EYA4: variants seen among roughly 807,000 people sequenced by gnomAD.
EYA4 encodes the protein EYA transcriptional coactivator and phosphatase 4, also known as protein phosphatase EYA4.
In EYA4, 31 loss-of-function variants were observed where a neutral mutation model predicts 87.9. The ratio of observed to expected loss-of-function variants is 0.35; its 90% CI spans 0.27 to 0.48. The LOEUF is 0.48. Among genes scored for constraint, EYA4 ranks in the 20% least tolerant of loss-of-function variants. The probability of loss-of-function intolerance (pLI) is 0.99; values close to 1 mark genes in which losing one functional copy is unlikely to be tolerated. For missense variants in EYA4, 678 were observed against 761.4 expected (o/e 0.89, Z 1.29); for synonymous variants, 263 against 270.6 (o/e 0.97, Z 0.28).
rs1800985375 is a variant in EYA4 at position 133,531,129 on chromosome 6, G to A, written c.*2324G>A. The A allele has an allele frequency of 4.6e-6, 7 of 1,522,526 alleles. No individual in the cohort carries two copies. The South Asian group carries it at 7.3e-5, about 16-fold the overall frequency. 94.3% of individuals were successfully genotyped at this position (1,522,526 alleles called of 1,614,324 possible). ...TGGGTGCAGAAAGAAACACCCCTTG[G>A]AAGGGCAAAGAGAAGCCGGCTGGTT... On this transcript the variant is annotated 3_prime_UTR_variant, in exon 20 of 20. Coordinates refer to ENST00000355286, the MANE Select transcript of EYA4 (RefSeq NM_004100.5).
intron 2 of EYA4, among the ~76,000 whole-genome samples, chr6:133,289,854 AG>A (rs1366652761): frequency 1.3e-5 from 2 of 152,226 alleles, no homozygotes; most frequent in African/African-American, 4.8e-5. Context: ...TCTGTTAAAA[AG>A]TTTGTGTTAG....
chr6:133,409,517 G>T (rs1450600935), intron 3 of EYA4, among the ~76,000 whole-genome samples: 2 of 152,106 alleles, frequency 1.3e-5, no homozygotes, highest in Non-Finnish European at 2.9e-5. Context: ...TATAATTTCT[G>T]TTCCCTTCCT....
intron 6 of EYA4, among the ~76,000 whole-genome samples, chr6:133,456,900 CTT>C (rs1303854911): frequency 6.6e-6 from 1 of 152,106 alleles, no homozygotes; most frequent in Non-Finnish European, 1.5e-5. Context: ...GATAAGTAAA[CTT>C]AACTTCCTTC....
chr6:133,437,537 T>A (rs1282564450), intron 3 of EYA4, among the ~76,000 whole-genome samples: 1 of 152,186 alleles, frequency 6.6e-6, no homozygotes, highest in African/African-American at 2.4e-5. Context: ...AATATATATA[T>A]GAAAAACCAA....
chr6:133,241,258 C>T (rs1773915005), upstream of EYA4: 1 of 152,010 alleles, frequency 6.6e-6, no homozygotes, highest in Non-Finnish European at 1.5e-5. Flanking sequence ...CTCACGAGCC[C>T]GCAGTAGCCG....
At chr6:133,392,025 A>G (rs1484667453) in intron 3 of EYA4, among the ~76,000 whole-genome samples, 1 of 152,210 alleles carries the variant, frequency 6.6e-6, no homozygotes, top group Non-Finnish European at 1.5e-5. Flanking sequence ...TCAGGCATCT[A>G]CAAACCGTGA....
At chr6:133,512,594 T>C (rs1312100242) in intron 14 of EYA4, 127 bp from the exon 15 acceptor site, 1 of 779,094 alleles carries the variant, frequency 1.3e-6, no homozygotes, top group African/African-American at 1.7e-5. Flanking sequence ...AGTGAGGCAA[T>C]GAGATGGACG....
intron 2 of EYA4, among the ~76,000 whole-genome samples, chr6:133,316,586 T>A (rs369904868): frequency 3.9e-5 from 6 of 152,166 alleles, no homozygotes; most frequent in African/African-American, 1.4e-4. Flanking sequence ...TGTCGTTTTC[T>A]TCTTTAGTTA....
chr6:133,453,176 A>G (rs1420533123), intron 5 of EYA4: 1 of 152,112 alleles, frequency 6.6e-6, no homozygotes. Flanking sequence ...ACAAGTTAGT[A>G]GTAATAAGAC....
chr6:133,514,747 C>T (rs540650532), intron 16 of EYA4, among the ~76,000 whole-genome samples: 1 of 152,240 alleles, frequency 6.6e-6, no homozygotes, highest in South Asian at 2.1e-4. Flanking sequence ...AACTGTCCTA[C>T]ACTTCATGAT....
In EYA4 at chr6:133,483,068, G is replaced by A. The variant is rs767667928; in HGVS notation, c.1144G>A (p.Val382Ile). ...CTGGGATTTGGATGAAACCATCATT[G>A]TTTTTCACTCACTGCTCACCGGGTC... is the stretch of plus-strand genomic sequence containing the variant. ...FVWDLDETII[V>I]FHSLLTGSYA... Residue 382 changes from valine to isoleucine, a missense_variant, in exon 13 of 20, where the codon GTT (valine) becomes ATT (isoleucine). By Grantham distance (29) the Val-to-Ile change is conservative. Coordinates refer to ENST00000355286, the MANE Select transcript of EYA4 (RefSeq NM_004100.5). The A allele has an allele frequency of 1.2e-6, 2 of 1,613,372 alleles. No homozygotes were observed. The highest frequency in any genetic ancestry group is 2.2e-5 in the South Asian group (2 of 91,018).
At chr6:133,351,796 A>G (rs763038851) in intron 2 of EYA4, among the ~76,000 whole-genome samples, 6 of 152,172 alleles carry the variant, frequency 3.9e-5, no homozygotes, top group Non-Finnish European at 8.8e-5. Flanking sequence ...TTATTATGGA[A>G]ATTTTCAAAT....
chr6:133,408,801 A>G lies in EYA4; in HGVS notation c.83+26360A>G, dbSNP rs372215191. Among the ~76,000 whole-genome samples, 35 of 152,338 alleles carry G rather than the reference A, an allele frequency of 2.3e-4. No homozygotes were observed. In the South Asian group the frequency reaches 6.6e-3, roughly 29 times the overall value. ...GATTATTCATGGTATTCACCAGACA[A>G]GAATATGTTCTCATTTGTGTATGAT... On this transcript the variant is annotated intron_variant, in intron 3 of 19. Coordinates refer to ENST00000355286, the MANE Select transcript of EYA4 (RefSeq NM_004100.5).
At chr6:133,293,874 CT>C (rs1270949756) in intron 2 of EYA4, among the ~76,000 whole-genome samples, 1 of 150,964 alleles carries the variant, frequency 6.6e-6, no homozygotes, top group Non-Finnish European at 1.5e-5. Context: ...GAAGTGGAGG[CT>C]TTGGAAGTGG....
intron 13 of EYA4, among the ~76,000 whole-genome samples, chr6:133,494,336 TCTTA>T (rs946620079): frequency 2.6e-5 from 4 of 152,164 alleles, no homozygotes; most frequent in Non-Finnish European, 4.4e-5. Flanking sequence ...CTTTACATAT[TCTTA>T]CTTATTTGGA....
chr6:133,451,809 T>G (rs138004550), intron 5 of EYA4, among the ~76,000 whole-genome samples: 14 of 152,314 alleles, frequency 9.2e-5, no homozygotes, highest in Admixed American at 3.9e-4. Context: ...GACATTCTGA[T>G]CAGCTTTAGT....
chr6:133,451,430 T>C (rs1489202943), intron 5 of EYA4, among the ~76,000 whole-genome samples: 1 of 152,200 alleles, frequency 6.6e-6, no homozygotes, highest in African/African-American at 2.4e-5. Context: ...TATAGGTAAT[T>C]CCAGATTCTA....
intron 2 of EYA4, among the ~76,000 whole-genome samples, chr6:133,332,065 T>C (rs390700): frequency 0.44 from 66,608 of 151,558 alleles, 15,207 homozygotes; most frequent in Non-Finnish European, 0.52. Flanking sequence ...CTCAACAGTT[T>C]CCCGGAAGTA....
intron 3 of EYA4, among the ~76,000 whole-genome samples, chr6:133,395,634 G>A (rs1410360443): frequency 2.0e-5 from 3 of 152,292 alleles, no homozygotes; most frequent in Admixed American, 1.3e-4. Context: ...GGTGTTGCGT[G>A]CCTGTAGTCC....
Sources: allele counts gnomAD v4.1 joint callset (sites outside exome capture counted in the v4.1 genomes callset), GRCh38; gene constraint gnomAD v4.1.1; transcripts MANE v1.5; gene names NCBI Gene and HGNC (gene_info 2026-07-23, HGNC 2026-07-21).